Variants in PRKCE observed in about 807,000 individuals in gnomAD.
PRKCE encodes the protein protein kinase C epsilon type.
Under a neutral mutation model 85.4 loss-of-function variants are expected in PRKCE, and 16 were observed. The ratio of observed to expected loss-of-function variants is 0.19; its 90% CI spans 0.13 to 0.28. The LOEUF (loss-of-function observed/expected upper bound fraction) is 0.28. Ranked by LOEUF, PRKCE falls within the 10% of genes least tolerant of loss-of-function variation. The pLI, the probability that PRKCE is intolerant of heterozygous loss-of-function variation, is 1.00. For synonymous variants in PRKCE, 388 were observed against 371.5 expected (o/e 1.04, Z -0.51); for missense variants, 573 against 975.2 (o/e 0.59, Z 5.49).
At chr2:46,050,722 A>T (rs1708801429) in intron 10 of PRKCE, among the ~76,000 whole-genome samples, 1 of 152,220 alleles carries the variant, frequency 6.6e-6, no homozygotes, top group South Asian at 2.1e-4. Context: ...AAAGAGCATG[A>T]CTTGATGGAC....
intron 1 of PRKCE, among the ~76,000 whole-genome samples, chr2:45,708,845 G>C (rs576268854): frequency 9.2e-5 from 14 of 152,302 alleles, no homozygotes; most frequent in Non-Finnish European, 1.6e-4. Context: ...GCCAGTCATA[G>C]TGGTCTTGGG....
chr2:45,757,561 G>C (rs1049683872), intron 1 of PRKCE, among the ~76,000 whole-genome samples: 1 of 152,102 alleles, frequency 6.6e-6, no homozygotes, highest in Non-Finnish European at 1.5e-5. Context: ...CAGTAACTTG[G>C]AAGGCTGAGG....
chr2:45,822,416 C>T (rs1276690219), intron 1 of PRKCE, among the ~76,000 whole-genome samples: 1 of 152,234 alleles, frequency 6.6e-6, no homozygotes, highest in Non-Finnish European at 1.5e-5. Context: ...ATGAGGTCAG[C>T]GCCTGGGGGT....
intron 1 of PRKCE, among the ~76,000 whole-genome samples, chr2:45,699,670 T>C (rs1276870271): frequency 6.6e-6 from 1 of 152,108 alleles, no homozygotes; most frequent in Non-Finnish European, 1.5e-5. Flanking sequence ...AGGAAACCAG[T>C]CTTGTTTTTT....
At chr2:45,826,058 A>G (rs1214151576) in intron 1 of PRKCE, among the ~76,000 whole-genome samples, 4 of 152,134 alleles carry the variant, frequency 2.6e-5, no homozygotes, top group African/African-American at 9.7e-5. Flanking sequence ...TGGTGATGGT[A>G]TGGAAGGAGA....
intron 10 of PRKCE, among the ~76,000 whole-genome samples, chr2:46,033,398 A>C (rs894429344): frequency 6.6e-6 from 1 of 152,114 alleles, no homozygotes; most frequent in Non-Finnish European, 1.5e-5. Context: ...TTGCTGTCTC[A>C]GTTGACTATT....
intron 1 of PRKCE, among the ~76,000 whole-genome samples, chr2:45,653,370 G>GTGTTTT (rs1675220720): frequency 1.6e-5 from 1 of 61,482 alleles, no homozygotes; most frequent in South Asian, 1.1e-3. Flanking sequence ...TTTTTGGGTT[G>GTGTTTT]TTTTTTTTTT....
intron 1 of PRKCE, among the ~76,000 whole-genome samples, chr2:45,715,270 C>T (rs372669750): frequency 4.7e-4 from 71 of 152,360 alleles, no homozygotes; most frequent in African/African-American, 1.5e-3. Context: ...CTCAAACTCT[C>T]CCTATGTATA....
At chr2:46,018,019 G>T (rs937363793) in intron 10 of PRKCE, among the ~76,000 whole-genome samples, 1 of 152,190 alleles carries the variant, frequency 6.6e-6, no homozygotes, top group Admixed American at 6.5e-5. Flanking sequence ...ACATGAAAAA[G>T]GGTCTGAAGG....
At chr2:45,853,863 A>T (rs573665734) in intron 2 of PRKCE, among the ~76,000 whole-genome samples, 1 of 152,274 alleles carries the variant, frequency 6.6e-6, no homozygotes, top group South Asian at 2.1e-4. Flanking sequence ...AATGCCACTC[A>T]GGGCCCGCAT....
intron 1 of PRKCE, among the ~76,000 whole-genome samples, chr2:45,733,457 A>G (rs773084389): frequency 2.6e-5 from 4 of 152,250 alleles, no homozygotes; most frequent in East Asian, 1.9e-4. Context: ...ACAGTAAATC[A>G]TAAATGGTGG....
intron 10 of PRKCE, among the ~76,000 whole-genome samples, chr2:46,029,305 T>C (rs1707349784): frequency 6.6e-6 from 1 of 152,240 alleles, no homozygotes; most frequent in Non-Finnish European, 1.5e-5. Flanking sequence ...TCCATTGTCC[T>C]AGTGTTCATC....
intron 2 of PRKCE, among the ~76,000 whole-genome samples, chr2:45,962,256 C>T (rs1488711155): frequency 6.6e-6 from 1 of 152,136 alleles, no homozygotes; most frequent in Non-Finnish European, 1.5e-5. Flanking sequence ...CCTACTTTCC[C>T]CCCAGGGCCC....
At chr2:45,936,089 A>G (rs1230603204) in intron 2 of PRKCE, among the ~76,000 whole-genome samples, 1 of 152,014 alleles carries the variant, frequency 6.6e-6, no homozygotes, top group Non-Finnish European at 1.5e-5. Context: ...CCTGCCTTTG[A>G]GGCTGATCCT....
chr2:45,855,546 T>C (rs992972513), intron 2 of PRKCE, among the ~76,000 whole-genome samples: 1 of 152,094 alleles, frequency 6.6e-6, no homozygotes, highest in Admixed American at 6.5e-5. Flanking sequence ...ACATGTGGAG[T>C]TTGTTAAAAC....
chr2:46,098,730 C>G (rs957009272), intron 11 of PRKCE, among the ~76,000 whole-genome samples: 2 of 152,188 alleles, frequency 1.3e-5, no homozygotes, highest in African/African-American at 4.8e-5. Context: ...TGCTCCAAGG[C>G]TTAGTCATAT....
chr2:45,990,102 A>G (rs368639349), intron 6 of PRKCE, among the ~76,000 whole-genome samples: 32 of 152,330 alleles, frequency 2.1e-4, no homozygotes, highest in African/African-American at 7.2e-4. Context: ...TCCGCTGGTC[A>G]GAAATCTGGA....
At position 45,849,849 on chromosome 2, in the gene PRKCE, T is replaced by G. The variant is rs551209638; in HGVS notation, c.412+6786T>G. Among the ~76,000 whole-genome samples the G allele has an allele frequency of 3.5e-3, 526 of 152,310 alleles. 4 individuals are homozygous for G. The highest frequency in any genetic ancestry group is 0.012 in the African/African-American group (496 of 41,550). ...GACCCAGGGAGCAAGCCTCTGTGTCTTGGGATTTTTGGCTCTATTTTTGGT... is the reference window on the plus strand; with the variant it reads ...GACCCAGGGAGCAAGCCTCTGTGTCGTGGGATTTTTGGCTCTATTTTTGGT... On this transcript the variant is annotated intron_variant, in intron 2 of 14. Coordinates refer to ENST00000306156, the MANE Select transcript of PRKCE (RefSeq NM_005400.3).
chr2:45,873,455 C>CA (rs56281653), intron 2 of PRKCE, among the ~76,000 whole-genome samples: 150 of 143,828 alleles, frequency 1.0e-3, no homozygotes, highest in Non-Finnish European at 1.6e-3. Flanking sequence ...TAGTAGACTG[C>CA]AAAAAAAAAA....
Sources: gnomAD v4.1 joint callset for allele counts (sites outside exome capture counted in the v4.1 genomes callset) on GRCh38, gnomAD v4.1.1 for gene constraint, MANE v1.5 for transcripts, NCBI Gene and HGNC (gene_info 2026-07-23, HGNC 2026-07-21) for gene names.